The following WASF3 variants were observed in gnomAD, a reference collection of about 807,000 sequenced individuals.
WASF3 encodes WASP family member 3.
A neutral mutation model predicts 46.6 loss-of-function variants in WASF3; 11 were observed. The ratio of observed to expected loss-of-function variants is 0.24; its 90% CI spans 0.15 to 0.39. The LOEUF (loss-of-function observed/expected upper bound fraction) is 0.39. Ranked by LOEUF, WASF3 falls within the 10% of genes least tolerant of loss-of-function variation. The pLI is 1.00. For missense variants in WASF3, 576 were observed against 669.8 expected, an observed-to-expected ratio of 0.86 and a Z score of 1.55; for synonymous variants, 242 against 259.7, an observed-to-expected ratio of 0.93 and a Z score of 0.65.
intron 3 of WASF3, among the ~76,000 whole-genome samples, chr13:26,653,212 A>G (rs1882366804): frequency 6.6e-6 from 1 of 152,138 alleles, no homozygotes; most frequent in Admixed American, 6.5e-5. Flanking sequence ...CCATATCCTC[A>G]GGGTGCTTCC....
intron 1 of WASF3, among the ~76,000 whole-genome samples, chr13:26,569,888 C>T (rs187106814): frequency 3.9e-5 from 6 of 152,254 alleles, no homozygotes; most frequent in East Asian, 1.9e-4. Context: ...ATCCTACAGG[C>T]GGTAAAGATT....
chr13:26,666,280 A>C (rs1034658908), intron 4 of WASF3, among the ~76,000 whole-genome samples: 1 of 152,238 alleles, frequency 6.6e-6, no homozygotes, highest in Non-Finnish European at 1.5e-5. Context: ...ATCTTTCTTC[A>C]ACTTTTTGTT....
At chr13:26,662,168 G>A (rs544141132) in intron 3 of WASF3, among the ~76,000 whole-genome samples, 19 of 152,240 alleles carry the variant, frequency 1.2e-4, no homozygotes, top group Non-Finnish European at 2.5e-4. Context: ...CAATGCTGCA[G>A]AGAAAAGGGA....
intron 1 of WASF3, among the ~76,000 whole-genome samples, chr13:26,596,385 A>T (rs1334191326): frequency 2.4e-4 from 36 of 149,860 alleles, no homozygotes; most frequent in Admixed American, 2.4e-3. Context: ...AGTTTTTTTC[A>T]TTAGACAAAG....
At chr13:26,595,254 C>G (rs1880425937) in intron 1 of WASF3, among the ~76,000 whole-genome samples, 1 of 152,188 alleles carries the variant, frequency 6.6e-6, no homozygotes. Flanking sequence ...GTCTGAAGAA[C>G]TTCAGCATCT....
chr13:26,682,914 G>A lies in WASF3; in HGVS notation c.1291G>A (p.Glu431Lys). The change falls in exon 9 of 10, where the codon GAG (glutamate) becomes AAG (lysine). Residue 431 changes from glutamate to lysine, a missense_variant. Around this residue, in one of 3 missense-constraint regions of WASF3, gnomAD observed 295 missense variants for 291.5 expected, o/e 1.01. Coordinates refer to ENST00000335327, the MANE Select transcript of WASF3 (RefSeq NM_006646.6). The surrounding 1 kb of genome is among the most constrained non-coding windows in gnomAD (Gnocchi z 4.4). ...CCCAGTAGCTGAGGCGAAGCGGCAA[G>A]AGCCTGCACAGCCACCAATCAGTGA... ...GPPVAEAKRQ[E>K]PAQPPISDAR... 6.2e-7 allele frequency: 1 copy of A among 1,610,600 alleles called. No individual in the cohort carries two copies. Among genetic ancestry groups the A allele is most frequent in the East Asian group, 2.2e-5 (1 of 44,868 alleles).
chr13:26,652,126 A>G lies in WASF3; in HGVS notation c.133+9723A>G, dbSNP rs573365297. 2.3e-3 allele frequency among the ~76,000 whole-genome samples: 351 copies of G among 152,320 alleles called. 2 individuals are homozygous for G. Among genetic ancestry groups the G allele is most frequent in the Middle Eastern group, 6.8e-3 (2 of 292 alleles). ...TTCCTCTTAAAAGGCAGAGATTATC[A>G]GGTTAAATTAAAAAGTGAGACTAAA... On this transcript the variant is annotated intron_variant, in intron 3 of 9. Transcript: ENST00000335327.
In WASF3 at chr13:26,688,768, T is replaced by C. The variant is rs138859971; in HGVS notation, c.*2923T>C. Reference sequence around the variant, plus strand: ...AGAGTAGCAAGTAATTTTTGTTTTATAAATCATAGTATCTGTCATCTTGCA... The same window carrying C: ...AGAGTAGCAAGTAATTTTTGTTTTACAAATCATAGTATCTGTCATCTTGCA... On this transcript the variant is annotated 3_prime_UTR_variant, in exon 10 of 10. Transcript: ENST00000335327. 41 of 152,370 alleles carry C rather than the reference T, an allele frequency of 2.7e-4. 1 individual carries two copies. Among genetic ancestry groups the C allele is most frequent in the East Asian group, 2.5e-3 (13 of 5,192 alleles). The allele number at this position is 152,370 out of a possible 1,614,324, so 9.4% of individuals were successfully genotyped here.
intron 2 of WASF3, among the ~76,000 whole-genome samples, chr13:26,628,815 G>A (rs908451676): frequency 6.6e-6 from 1 of 152,210 alleles, no homozygotes; most frequent in African/African-American, 2.4e-5. Context: ...CCCCTGGGCT[G>A]TTGGTGGTGA....
intron 1 of WASF3, among the ~76,000 whole-genome samples, chr13:26,572,031 T>A (rs1056761150): frequency 9.2e-5 from 14 of 152,236 alleles, no homozygotes; most frequent in African/African-American, 3.1e-4. Context: ...GACTAGTTTG[T>A]TTACTTTATA....
chr13:26,633,200 C>T (rs9512290), intron 2 of WASF3, among the ~76,000 whole-genome samples: 34 of 90,418 alleles, frequency 3.8e-4, no homozygotes, highest in Admixed American at 5.5e-4. Flanking sequence ...TTAGTTATTT[C>T]TTTTTTTTTT....
intron 3 of WASF3, among the ~76,000 whole-genome samples, chr13:26,645,589 T>C (rs917153079): frequency 2.6e-5 from 4 of 152,132 alleles, no homozygotes; most frequent in Non-Finnish European, 5.9e-5. Context: ...AGTAGTAGTC[T>C]TCCTTAAAAG....
intron 1 of WASF3, among the ~76,000 whole-genome samples, chr13:26,610,531 A>T (rs917475458): frequency 3.3e-5 from 5 of 152,116 alleles, no homozygotes; most frequent in Admixed American, 6.6e-5. Context: ...AGAGGCATGG[A>T]TGGATGGAGG....
chr13:26,559,820 T>TCTTTCTTTCTTTC (rs748976709), intron 1 of WASF3, among the ~76,000 whole-genome samples: 185 of 67,160 alleles, frequency 2.8e-3, no homozygotes, highest in Non-Finnish European at 3.8e-3. Flanking sequence ...TTTTTTTTTT[T>TCTTTCTTTCTTTC]TTTTTTTTTT....
At chr13:26,554,040 TTTCCTTCCTTCCTTCCTTCC>T (rs1172684562), upstream of WASF3, among the ~76,000 whole-genome samples, 6 of 35,506 alleles carry the variant, frequency 1.7e-4, no homozygotes, top group Non-Finnish European at 2.4e-4. Context: ...TTTCTCTTTC[TTTCCTTCCTTCCTTCCTTCC>T]TTCCTTCCTT....
intron 1 of WASF3, among the ~76,000 whole-genome samples, chr13:26,568,804 A>G (rs961339048): frequency 5.3e-5 from 8 of 152,198 alleles, no homozygotes; most frequent in African/African-American, 1.4e-4. Context: ...GGACTGTAGA[A>G]AAGTCTCAGT....
At chr13:26,632,858 T>C (rs1005362640) in intron 2 of WASF3, among the ~76,000 whole-genome samples, 1 of 152,202 alleles carries the variant, frequency 6.6e-6, no homozygotes, top group Non-Finnish European at 1.5e-5. Context: ...GAGCCTGTTA[T>C]TGGTCTAGTC....
intron 1 of WASF3, among the ~76,000 whole-genome samples, chr13:26,584,243 A>C (rs1880065977): frequency 6.6e-6 from 1 of 152,312 alleles, no homozygotes; most frequent in Non-Finnish European, 1.5e-5. Flanking sequence ...TTGCTGGATG[A>C]CTAGTGGTTT....
chr13:26,609,883 T>A (rs1366614024), intron 1 of WASF3, among the ~76,000 whole-genome samples: 1 of 152,232 alleles, frequency 6.6e-6, no homozygotes, highest in Non-Finnish European at 1.5e-5. Flanking sequence ...TCAGTACAAC[T>A]ATCTCAAGCC....
Sources: gnomAD v4.1 joint callset for allele counts (sites outside exome capture counted in the v4.1 genomes callset) on GRCh38, gnomAD v4.1.1 for gene constraint, gnomAD v4.1.1 regional missense constraint, Gnocchi (gnomAD v3.1) non-coding constraint, MANE v1.5 for transcripts, NCBI Gene and HGNC (gene_info 2026-07-23, HGNC 2026-07-21) for gene names.